BPTF: variants seen among roughly 807,000 people sequenced by gnomAD.
BPTF encodes bromodomain PHD finger transcription factor.
BPTF carries 18 observed loss-of-function variants against 292.5 expected under a neutral mutation model. The ratio of observed to expected loss-of-function variants is 0.06; its 90% CI spans 0.04 to 0.09. BPTF has a LOEUF of 0.09. Ranked by LOEUF, BPTF falls within the 10% of genes least tolerant of loss-of-function variation. The probability of loss-of-function intolerance (pLI) is 1.00; values close to 1 mark genes in which losing one functional copy is unlikely to be tolerated. For synonymous variants in BPTF, 1,225 were observed against 1,251.9 expected, an observed-to-expected ratio of 0.98 and a Z score of 0.45; for missense variants, 2,726 against 3,498.7, an observed-to-expected ratio of 0.78 and a Z score of 5.57.
chr17:67,854,112 A>G lies in BPTF; in HGVS notation c.786A>G (p.Leu262=). Residue 262 remains leucine (L), a synonymous_variant, in exon 2 of 28, where the codon TTA becomes TTG. Coordinates refer to ENST00000306378, the MANE Select transcript of BPTF (RefSeq NM_182641.4). The surrounding 1 kb of genome is among the most constrained non-coding windows in gnomAD (Gnocchi z 5.6). ...GGAACTTTGGCACTGTTTTGAGATT[A>G]TCTCCTTTTCGCTTTGAGGACTTTT... ...VLRNFGTVLR[L]SPFRFEDFCA... The G allele has an allele frequency of 6.2e-7, 1 of 1,614,210 alleles. No individual in the cohort carries two copies. The highest frequency in any genetic ancestry group is 8.5e-7 in the Non-Finnish European group (1 of 1,180,042).
Position 67,912,918 on chromosome 17 carries a change from G to T in BPTF, c.5034G>T (p.Val1678=), listed in dbSNP as rs746676304. ...GCACACTGGTTACATCTATGACTGTGAGCAAAGAGTATTCCACACGAGACA... is the reference window on the plus strand; with the variant it reads ...GCACACTGGTTACATCTATGACTGTTAGCAAAGAGTATTCCACACGAGACA... ...TGGTLVTSMT[V]SKEYSTRDKV... Residue 1678 remains valine, a synonymous_variant, in exon 11 of 28, where the codon GTG becomes GTT. Coordinates refer to ENST00000306378, the MANE Select transcript of BPTF (RefSeq NM_182641.4). 6.2e-7 allele frequency: 1 copy of T among 1,614,160 alleles called. No individual in the cohort carries two copies.
intron 2 of BPTF, among the ~76,000 whole-genome samples, chr17:67,863,058 C>G (rs548078462): frequency 6.6e-6 from 1 of 152,194 alleles, no homozygotes; most frequent in East Asian, 1.9e-4. Context: ...CCAGGGCCAC[C>G]ATAACAAAGT....
intron 7 of BPTF, among the ~76,000 whole-genome samples, chr17:67,901,507 C>T (rs936301851): frequency 1.3e-5 from 2 of 151,840 alleles, no homozygotes; most frequent in Admixed American, 6.6e-5. Flanking sequence ...GATGACAAAC[C>T]GAGGAAAAAT....
chr17:67,879,815 A>G (rs1004386741), intron 4 of BPTF, among the ~76,000 whole-genome samples: 4 of 152,018 alleles, frequency 2.6e-5, no homozygotes, highest in African/African-American at 9.7e-5. Flanking sequence ...CTCTAGTGGG[A>G]ACTAATAGTG....
At chr17:67,874,029 T>TGGATGGATG (rs398119969) in intron 3 of BPTF, among the ~76,000 whole-genome samples, 8 of 152,014 alleles carry the variant, frequency 5.3e-5, no homozygotes, top group African/African-American at 1.9e-4. Context: ...GATGGATGGA[T>TGGATGGATG]ATGTGTCAAA....
Position 67,869,815 on chromosome 17 carries a change from C to G in BPTF, c.1660+3128C>G, listed in dbSNP as rs1375724830. 2.3e-4 allele frequency among the ~76,000 whole-genome samples: 29 copies of G among 123,548 alleles called. No homozygotes were observed. The Admixed American group carries it at 2.6e-3, about 11-fold the overall frequency. The allele number at this position is 123,548 out of a possible 152,430, so 81.1% of individuals were successfully genotyped here. ...TGGCTAACATGGTGAAACCCCGTCT[C>G]TACTAAAAATACAAAAAAAAAAAAA... On this transcript the variant is annotated intron_variant, in intron 3 of 27. Coordinates refer to ENST00000306378, the MANE Select transcript of BPTF (RefSeq NM_182641.4).
intron 2 of BPTF, among the ~76,000 whole-genome samples, chr17:67,862,363 G>A (rs571959103): frequency 5.9e-5 from 9 of 152,278 alleles, no homozygotes; most frequent in Non-Finnish European, 1.2e-4. Context: ...TGAAGTGCTG[G>A]TACTACTCTA....
chr17:67,879,588 T>C (rs903553316), intron 4 of BPTF, among the ~76,000 whole-genome samples: 1 of 152,190 alleles, frequency 6.6e-6, no homozygotes, highest in Non-Finnish European at 1.5e-5. Context: ...TATCTAAGGC[T>C]GGTGGTTTAT....
chr17:67,916,450 C>T (rs2062993188), intron 11 of BPTF, among the ~76,000 whole-genome samples: 2 of 151,932 alleles, frequency 1.3e-5, no homozygotes, highest in African/African-American at 2.4e-5. Flanking sequence ...ATGAGCCCGG[C>T]GTGGTGGCGG....
At chr17:67,919,924 CGT>C in intron 12 of BPTF, 89 bp from the exon 13 acceptor site, 1 of 1,274,702 alleles carries the variant, frequency 7.8e-7, no homozygotes, top group Non-Finnish European at 1.1e-6. Context: ...GTTTATTCCA[CGT>C]GTGTCTCTTT....
intron 7 of BPTF, among the ~76,000 whole-genome samples, chr17:67,900,580 T>A (rs1393422564): frequency 1.3e-5 from 2 of 151,210 alleles, no homozygotes; most frequent in Admixed American, 6.6e-5. Flanking sequence ...AAATAATAAT[T>A]AATTAATTAA....
chr17:67,935,129 C>T (rs887210612), intron 18 of BPTF, among the ~76,000 whole-genome samples: 6 of 151,580 alleles, frequency 4.0e-5, no homozygotes, highest in Admixed American at 6.6e-5. Flanking sequence ...AAACAAGTTT[C>T]GAAAGAAAAC....
intron 19 of BPTF, among the ~76,000 whole-genome samples, chr17:67,942,950 G>T (rs2065498919): frequency 6.6e-6 from 1 of 152,314 alleles, no homozygotes; most frequent in South Asian, 2.1e-4. Flanking sequence ...CAGGGCTGCT[G>T]CATTGCCTGC....
Position 67,909,808 on chromosome 17 carries a change from C to T in BPTF, c.2992+47C>T, listed in dbSNP as rs140194546. On this transcript the variant is annotated intron_variant, in intron 10 of 27. Coordinates refer to ENST00000306378, the MANE Select transcript of BPTF (RefSeq NM_182641.4). ...GGGCAGCCTGGGGGTGATAAGAATG[C>T]ACTGGATCAGGGTCCCACCACAGGA... The T allele has an allele frequency of 1.9e-4, 264 of 1,420,962 alleles. 2 individuals carry two copies. In the African/African-American group the frequency reaches 3.0e-3, roughly 16 times the overall value. 88.0% of individuals were successfully genotyped at this position (1,420,962 alleles called of 1,614,324 possible). A position where few individuals can be genotyped will look rare whatever the true frequency, so the allele number is the denominator to read the frequency against.
intron 17 of BPTF, among the ~76,000 whole-genome samples, chr17:67,930,250 A>G (rs913379451): frequency 5.3e-5 from 8 of 152,100 alleles, no homozygotes; most frequent in Admixed American, 1.3e-4. Flanking sequence ...CCAGGCTGGA[A>G]TGCAATGGCA....
At chr17:67,863,427 G>A (rs980415796) in intron 2 of BPTF, among the ~76,000 whole-genome samples, 1 of 152,172 alleles carries the variant, frequency 6.6e-6, no homozygotes, top group Non-Finnish European at 1.5e-5. Context: ...TGGGACTACA[G>A]GCACATGCCA....
chr17:67,871,060 C>CT (rs2059700810), intron 3 of BPTF, among the ~76,000 whole-genome samples: 1 of 151,880 alleles, frequency 6.6e-6, no homozygotes, highest in African/African-American at 2.4e-5. Context: ...CGTGAGCCAC[C>CT]GCGCCCGGCC....
rs542446513 is a variant in BPTF, at chr17:67,922,412, G to C, written c.5558-428G>C. 3.3e-5 allele frequency among the ~76,000 whole-genome samples: 5 copies of C among 152,292 alleles called. No individual in the cohort carries two copies. The South Asian group carries it at 1.0e-3, about 32-fold the overall frequency. ...TCTGTGCGGTGATAGGGAAACACATGTTGTACACCCAAGTGTGAGAAGAAC... is the reference window on the plus strand; with the variant it reads ...TCTGTGCGGTGATAGGGAAACACATCTTGTACACCCAAGTGTGAGAAGAAC... On this transcript the variant is annotated intron_variant, in intron 13 of 27. Coordinates refer to ENST00000306378, the MANE Select transcript of BPTF (RefSeq NM_182641.4).
At chr17:67,959,025 T>A (rs535127310) in intron 23 of BPTF, among the ~76,000 whole-genome samples, 3 of 152,354 alleles carry the variant, frequency 2.0e-5, no homozygotes, top group South Asian at 4.1e-4. Flanking sequence ...CTACTCTCCC[T>A]GCAGTCTGAA....
Sources: gnomAD v4.1 joint callset for allele counts (sites outside exome capture counted in the v4.1 genomes callset) on GRCh38, gnomAD v4.1.1 for gene constraint, Gnocchi (gnomAD v3.1) non-coding constraint, MANE v1.5 for transcripts, NCBI Gene and HGNC (gene_info 2026-07-23, HGNC 2026-07-21) for gene names.